METTL15: variants seen among roughly 807,000 people sequenced by gnomAD.
METTL15 encodes the protein methyltransferase 15, mitochondrial 12S rRNA N4-cytidine, also known as 12S rRNA N(4)-cytidine methyltransferase METTL15.
A neutral mutation model predicts 38.3 loss-of-function variants in METTL15; 34 were observed. The observed-to-expected ratio is 0.89, with a 90% CI of 0.68 to 1.18. The LOEUF (loss-of-function observed/expected upper bound fraction) is 1.18, where lower values mean the gene tolerates loss of function less well. Ranked by LOEUF, METTL15 falls within the 50% of genes most tolerant of loss-of-function variation. The pLI, the probability that METTL15 is intolerant of heterozygous loss-of-function variation, is 0.00. For missense variants in METTL15, 438 were observed against 498.4 expected (o/e 0.88, Z 1.15); for synonymous variants, 162 against 170.9 (o/e 0.95, Z 0.41).
intron 3 of METTL15, among the ~76,000 whole-genome samples, chr11:28,194,999 A>G (rs917337798): frequency 3.3e-5 from 5 of 152,016 alleles, no homozygotes; most frequent in East Asian, 1.9e-4. Flanking sequence ...ATGATCTCCA[A>G]TTCCATCCAA....
intron 6 of METTL15, chr11:28,327,452 T>G (rs747721096): frequency 6.6e-6 from 1 of 152,332 alleles, no homozygotes; most frequent in Non-Finnish European, 1.5e-5. Flanking sequence ...TGGTTTTAAT[T>G]TGTCAGCTGC....
chr11:28,385,609 T>A (rs1359158560), intron 5 of METTL15, among the ~76,000 whole-genome samples: 1 of 152,152 alleles, frequency 6.6e-6, no homozygotes, highest in East Asian at 1.9e-4. Context: ...TGCTTAGGAT[T>A]GTCTTGGCTA....
chr11:28,231,893 T>A (rs959097446), intron 4 of METTL15, among the ~76,000 whole-genome samples: 13 of 152,024 alleles, frequency 8.6e-5, no homozygotes, highest in African/African-American at 2.9e-4. Flanking sequence ...GAAGTATTGC[T>A]GTATCTTAAC....
intron 3 of METTL15, among the ~76,000 whole-genome samples, chr11:28,115,729 T>G (rs1255523654): frequency 6.6e-6 from 1 of 152,070 alleles, no homozygotes; most frequent in Non-Finnish European, 1.5e-5. Flanking sequence ...TTAAGTAGAC[T>G]GAGGAAGAGG....
intron 3 of METTL15, among the ~76,000 whole-genome samples, chr11:28,175,008 A>G (rs1305792456): frequency 2.6e-5 from 4 of 151,848 alleles, no homozygotes; most frequent in Non-Finnish European, 5.9e-5. Flanking sequence ...CAGGTTAGTT[A>G]CATATGTATA....
At chr11:28,197,085 T>C (rs1463181119) in intron 3 of METTL15, among the ~76,000 whole-genome samples, 1 of 151,974 alleles carries the variant, frequency 6.6e-6, no homozygotes, top group Admixed American at 6.6e-5. Context: ...CAATTTGGGC[T>C]TGAATGAAAG....
At chr11:28,509,079 A>G (rs1241283885) in intron 6 of METTL15, among the ~76,000 whole-genome samples, 1 of 152,198 alleles carries the variant, frequency 6.6e-6, no homozygotes, top group Non-Finnish European at 1.5e-5. Context: ...CGATAATGTT[A>G]AAAGGCCTCT....
intron 6 of METTL15, among the ~76,000 whole-genome samples, chr11:28,315,230 C>T (rs1009658525): frequency 4.6e-5 from 7 of 152,094 alleles, no homozygotes; most frequent in Admixed American, 6.5e-5. Context: ...TTGCCCAAAA[C>T]GCTGATTGAG....
rs1233846283 is a variant in METTL15, at chr11:28,211,060, A to G, written c.271-2A>G. ...GTAATTTTCTTTTTCTGTGTTTGCTAGATTTTTCTAGATATGACATTTGGT... is the reference window on the plus strand; with the variant it reads ...GTAATTTTCTTTTTCTGTGTTTGCTGGATTTTTCTAGATATGACATTTGGT... On this transcript the variant is annotated splice_acceptor_variant, in intron 3 of 6. Coordinates refer to ENST00000407364, the MANE Select transcript of METTL15 (RefSeq NM_001113528.2). LOFTEE classifies it high-confidence loss of function. The G allele has an allele frequency of 1.2e-6, 2 of 1,601,052 alleles. No homozygotes were observed. Among genetic ancestry groups the G allele is most frequent in the Non-Finnish European group, 1.7e-6 (2 of 1,176,384 alleles).
chr11:28,326,787 G>T (rs967099950), intron 6 of METTL15, among the ~76,000 whole-genome samples: 3 of 151,330 alleles, frequency 2.0e-5, no homozygotes, highest in Non-Finnish European at 2.9e-5. Context: ...TTGTTTTTTG[G>T]TTTTTGTTTT....
At chr11:28,320,648 G>A (rs116916289) in intron 6 of METTL15, among the ~76,000 whole-genome samples, 1,592 of 152,130 alleles carry the variant, frequency 0.01, 17 homozygotes, top group Middle Eastern at 0.017. Flanking sequence ...AAACAAAAAT[G>A]CATTCTTAAA....
In METTL15 at chr11:28,290,225, C is replaced by T; in HGVS notation, c.427C>T (p.Leu143=). ...TCACAGTAAACAAATCCGAGCTATG[C>T]TGGGCCAGTTCAGCCAGGCAGAAGC... ...ELYPKQIRAM[L]GQFSQAEALL... Residue 143 remains leucine, a synonymous_variant, in exon 5 of 7, where the codon CTG becomes TTG. Transcript: ENST00000407364. The T allele has an allele frequency of 6.2e-7, 1 of 1,611,836 alleles. No homozygotes were observed. The highest frequency in any genetic ancestry group is 8.5e-7 in the Non-Finnish European group (1 of 1,178,872).
At chr11:28,294,440 C>T (rs1856651291) in intron 5 of METTL15, among the ~76,000 whole-genome samples, 1 of 152,160 alleles carries the variant, frequency 6.6e-6, no homozygotes, top group Non-Finnish European at 1.5e-5. Flanking sequence ...CCATTTAACA[C>T]TAAAGTCTTA....
chr11:28,430,311 T>C (rs1850907788), intron 6 of METTL15, among the ~76,000 whole-genome samples: 1 of 118,382 alleles, frequency 8.4e-6, no homozygotes, highest in Non-Finnish European at 1.8e-5. Flanking sequence ...AGCCGTGCCA[T>C]CCGGGAGGGA....
chr11:28,400,085 G>A (rs376041321), intron 5 of METTL15, among the ~76,000 whole-genome samples: 4 of 151,784 alleles, frequency 2.6e-5, no homozygotes, highest in Non-Finnish European at 5.9e-5. Context: ...TTCTTCCACC[G>A]TACTTAAGCA....
chr11:28,375,580 G>A (rs546716148), intron 5 of METTL15, among the ~76,000 whole-genome samples: 167 of 151,946 alleles, frequency 1.1e-3, no homozygotes, highest in Middle Eastern at 3.4e-3. Context: ...AGTCTTGCTG[G>A]CAGTCTATCA....
At chr11:28,324,906 T>C (rs1334627867) in intron 6 of METTL15, among the ~76,000 whole-genome samples, 1 of 152,178 alleles carries the variant, frequency 6.6e-6, no homozygotes, top group African/African-American at 2.4e-5. Context: ...AGCTTTCTTA[T>C]ACTAGCTCTC....
intron 3 of METTL15, among the ~76,000 whole-genome samples, chr11:28,151,899 A>C (rs1422004692): frequency 2.0e-5 from 3 of 151,936 alleles, no homozygotes; most frequent in Non-Finnish European, 2.9e-5. Flanking sequence ...CCCCTCAATA[A>C]TTCTTTAATT....
rs548186993 is a variant in METTL15 at position 28,294,418 on chromosome 11, C to G, written c.600-2335C>G. Among the ~76,000 whole-genome samples the G allele has an allele frequency of 7.1e-4, 108 of 152,290 alleles. 1 individual carries two copies. Among genetic ancestry groups the G allele is most frequent in the Non-Finnish European group, 1.4e-3 (98 of 68,022 alleles). On this transcript the variant is annotated intron_variant, in intron 5 of 6. Transcript: ENST00000407364. ...GATGAAGACGGATGCAAGAGACTTCCTTAACCAGTCGCCATTTAACACTAA... is the reference window on the plus strand; with the variant it reads ...GATGAAGACGGATGCAAGAGACTTCGTTAACCAGTCGCCATTTAACACTAA...
Sources: allele counts gnomAD v4.1 joint callset (sites outside exome capture counted in the v4.1 genomes callset), GRCh38; gene constraint gnomAD v4.1.1; transcripts MANE v1.5; gene names NCBI Gene and HGNC (gene_info 2026-07-23, HGNC 2026-07-21).